The following PTK2B variants were observed in gnomAD, a reference collection of about 807,000 sequenced individuals.
PTK2B encodes protein tyrosine kinase 2 beta, also known as protein-tyrosine kinase 2-beta.
Under a neutral mutation model 142.9 loss-of-function variants are expected in PTK2B, and 71 were observed. That is an observed-to-expected ratio of 0.50 (90% CI 0.41 to 0.61). The LOEUF is 0.61. Ranked by LOEUF, PTK2B falls within the 20% of genes least tolerant of loss-of-function variation. The pLI is 0.00. For missense variants in PTK2B, 1,105 were observed against 1,320.4 expected, an observed-to-expected ratio of 0.84 and a Z score of 2.53; for synonymous variants, 519 against 503.4, an observed-to-expected ratio of 1.03 and a Z score of -0.42.
intron 1 of PTK2B, among the ~76,000 whole-genome samples, chr8:27,372,192 C>T (rs1488351623): frequency 6.6e-6 from 1 of 152,210 alleles, no homozygotes; most frequent in African/African-American, 2.4e-5. Flanking sequence ...GTTTCTTCCT[C>T]AAAGGCGTAA....
Position 27,431,015 on chromosome 8 carries a change from T to C in PTK2B, c.809T>C (p.Ile270Thr). The C allele has an allele frequency of 1.2e-6, 2 of 1,612,896 alleles. No homozygotes were observed. The highest frequency in any genetic ancestry group is 8.5e-7 in the Non-Finnish European group (1 of 1,179,278). Residue 270 changes from isoleucine (I) to threonine (T), a missense_variant and splice_region_variant, in exon 8 of 31, where the codon ATT becomes ACT. Physicochemically the swap from Ile to Thr is moderately conservative, Grantham distance 89. Transcript: ENST00000346049. ...CAGGAGACCTACCGCTGTGAACTCA[T>C]TGTAATGGCGGGCTCTCTTGATCCT... The part of the protein sequence containing the change: ...IDQETYRCEL[I>T]QGWNITVDLV...
chr8:27,368,712 G>A (rs1041573057), intron 1 of PTK2B, among the ~76,000 whole-genome samples: 3 of 152,174 alleles, frequency 2.0e-5, no homozygotes, highest in Non-Finnish European at 4.4e-5. Flanking sequence ...CTTGAAAAGG[G>A]TATTCAGGTC....
At chr8:27,446,034 A>C (rs1785539951) in intron 24 of PTK2B, 115 bp downstream of exon 24, 2 of 1,454,194 alleles carry the variant, frequency 1.4e-6, no homozygotes, top group East Asian at 4.8e-5. Flanking sequence ...TCCTGTTCCC[A>C]TGCACCAGTC....
intron 1 of PTK2B, among the ~76,000 whole-genome samples, chr8:27,329,459 G>T (rs577379297): frequency 6.2e-4 from 94 of 152,052 alleles, no homozygotes; most frequent in Non-Finnish European, 1.1e-3. Flanking sequence ...GGGAGGGGAG[G>T]GAGGCTACCC....
intron 3 of PTK2B, among the ~76,000 whole-genome samples, chr8:27,316,613 C>T (rs1364002704): frequency 6.6e-6 from 1 of 152,194 alleles, no homozygotes; most frequent in Non-Finnish European, 1.5e-5. Flanking sequence ...GGCATCCTGG[C>T]ACTGCAGACA....
At chr8:27,413,315 G>T (rs1057171390) in intron 2 of PTK2B, among the ~76,000 whole-genome samples, 1 of 152,190 alleles carries the variant, frequency 6.6e-6, no homozygotes, top group African/African-American at 2.4e-5. Context: ...TCTAAATCAG[G>T]AAGTCAGCGT....
chr8:27,450,768 C>G lies in PTK2B; in HGVS notation c.2360C>G (p.Pro787Arg). 6.2e-7 allele frequency: 1 copy of G among 1,614,182 alleles called. No homozygotes were observed. The highest frequency in any genetic ancestry group is 8.5e-7 in the Non-Finnish European group (1 of 1,180,020). The change falls in exon 25 of 31, where the codon CCC becomes CGC. Residue 787 changes from proline (P) to arginine (R), a missense_variant. By Grantham distance (103) the Pro-to-Arg change is moderately radical. Coordinates refer to ENST00000346049, the MANE Select transcript of PTK2B (RefSeq NM_173176.3). Reference protein sequence around the residue: ...HSMREEDFIQPSSREEAQQLW... With the variant: ...HSMREEDFIQRSSREEAQQLW... ...TCCCAGGAGGAGGACTTCATCCAAC[C>G]CAGCAGCCGAGAAGAGGCCCAGCAG...
At chr8:27,377,005 C>T (rs1316831861) in intron 1 of PTK2B, among the ~76,000 whole-genome samples, 3 of 152,140 alleles carry the variant, frequency 2.0e-5, no homozygotes, top group Non-Finnish European at 4.4e-5. Flanking sequence ...TTTCCTATAA[C>T]ATTTTCACTC....
chr8:27,381,775 A>G (rs764180328), intron 1 of PTK2B, among the ~76,000 whole-genome samples: 21 of 152,218 alleles, frequency 1.4e-4, no homozygotes, highest in Non-Finnish European at 2.6e-4. Context: ...ATTCCCACCA[A>G]TAGCGTTTAG....
At chr8:27,359,936 T>C (rs966099588) in intron 1 of PTK2B, among the ~76,000 whole-genome samples, 1 of 152,158 alleles carries the variant, frequency 6.6e-6, no homozygotes, top group Non-Finnish European at 1.5e-5. Flanking sequence ...CCCCAGCTCC[T>C]GGGCCAACAT....
At chr8:27,327,703 A>G (rs1401992657) in intron 1 of PTK2B, among the ~76,000 whole-genome samples, 2 of 152,134 alleles carry the variant, frequency 1.3e-5, no homozygotes, top group African/African-American at 2.4e-5. Flanking sequence ...TCATCTATAC[A>G]GGTGAAGGAG....
At chr8:27,439,176 T>C (rs745348181) in intron 19 of PTK2B, 45 bp downstream of exon 19, 2 of 1,589,178 alleles carry the variant, frequency 1.3e-6, no homozygotes, top group Non-Finnish European at 1.7e-6. Flanking sequence ...GAGGGGTCGC[T>C]GAAGCCAAAA....
intron 2 of PTK2B, among the ~76,000 whole-genome samples, chr8:27,401,393 G>A (rs1325785052): frequency 1.3e-5 from 2 of 152,208 alleles, no homozygotes; most frequent in Admixed American, 6.5e-5. Context: ...CATGGCTTTA[G>A]CAGCAGGTGC....
rs188783387 is a variant in PTK2B at position 27,454,715 on chromosome 8, C to T, written c.2814+104C>T. On this transcript the variant is annotated intron_variant, in intron 30 of 30. Transcript: ENST00000346049. ...CTGCCTGGGCAACCTCATGTCTGTC[C>T]ACTGAGTCCCCACCAGGTGGGTTCT... 6.2e-3 allele frequency: 7,439 copies of T among 1,198,192 alleles called. 74 individuals are homozygous for T. The highest frequency in any genetic ancestry group is 0.025 in the South Asian group (1,948 of 78,110). The allele number at this position is 1,198,192 out of a possible 1,614,324, so 74.2% of individuals were successfully genotyped here.
chr8:27,352,095 G>T (rs1004851102), intron 1 of PTK2B, among the ~76,000 whole-genome samples: 16 of 152,042 alleles, frequency 1.1e-4, no homozygotes, highest in Non-Finnish European at 2.1e-4. Flanking sequence ...GACCCACGGC[G>T]GGGGGGCTGC....
At chr8:27,420,891 G>A in intron 4 of PTK2B, 147 bp downstream of exon 4, 1 of 726,276 alleles carries the variant, frequency 1.4e-6, no homozygotes, top group Non-Finnish European at 2.2e-6. Context: ...AAGGTCCTTG[G>A]TCTATGGTCC....
chr8:27,411,575 GA>G lies in PTK2B; in HGVS notation c.205-8319del, dbSNP rs1809066649. Among the ~76,000 whole-genome samples the G allele has an allele frequency of 4.6e-5, 7 of 152,314 alleles. No homozygotes were observed. The South Asian group carries it at 1.2e-3, about 27-fold the overall frequency. ...TGAGGCTGGAGGGCTGCAGAGAGGGGACTGTGGCTCAGGGAGCTTGTCATCC... is the reference window on the plus strand; with the variant it reads ...TGAGGCTGGAGGGCTGCAGAGAGGGGCTGTGGCTCAGGGAGCTTGTCATCC... On this transcript the variant is annotated intron_variant, in intron 2 of 30. Coordinates refer to ENST00000346049, the MANE Select transcript of PTK2B (RefSeq NM_173176.3).
chr8:27,324,922 G>C (rs1185510863), upstream of PTK2B, among the ~76,000 whole-genome samples: 1 of 152,194 alleles, frequency 6.6e-6, no homozygotes, highest in Non-Finnish European at 1.5e-5. Flanking sequence ...ACCAGCCTCT[G>C]GGCGGGGCCC....
chr8:27,433,676 C>T, intron 11 of PTK2B, 124 bp downstream of exon 11: 2 of 866,236 alleles, frequency 2.3e-6, no homozygotes, highest in Non-Finnish European at 3.6e-6. Flanking sequence ...CCCCCACAGC[C>T]CAGCGGGAAG....
Sources: gnomAD v4.1 joint callset for allele counts (sites outside exome capture counted in the v4.1 genomes callset) on GRCh38, gnomAD v4.1.1 for gene constraint, MANE v1.5 for transcripts, NCBI Gene and HGNC (gene_info 2026-07-23, HGNC 2026-07-21) for gene names.